The following DPY19L3 variants were observed in gnomAD, a reference collection of about 807,000 sequenced individuals.
DPY19L3 encodes protein C-mannosyl-transferase DPY19L3.
A neutral mutation model predicts 92.3 loss-of-function variants in DPY19L3; 51 were observed. That is an observed-to-expected ratio of 0.55 (90% CI 0.44 to 0.70). DPY19L3 has a LOEUF of 0.70. Ranked by LOEUF, DPY19L3 falls within the 30% of genes least tolerant of loss-of-function variation. DPY19L3 has a pLI of 0.00. For missense variants in DPY19L3, 706 were observed against 855.9 expected, an observed-to-expected ratio of 0.82 and a Z score of 2.18; for synonymous variants, 309 against 315.2, an observed-to-expected ratio of 0.98 and a Z score of 0.21.
intron 10 of DPY19L3, among the ~76,000 whole-genome samples, chr19:32,456,079 CTTTTTTTTT>C (rs899726982): frequency 9.7e-6 from 1 of 103,402 alleles, no homozygotes; most frequent in South Asian, 3.4e-4. Flanking sequence ...TCACTATGTT[CTTTTTTTTT>C]TTTTTTTTTT....
intron 17 of DPY19L3, 122 bp downstream of exon 17, chr19:32,477,776 A>C: frequency 3.7e-6 from 5 of 1,358,880 alleles, no homozygotes; most frequent in Non-Finnish European, 5.0e-6. Context: ...AGGATGAATT[A>C]GTCTGTTTTC....
chr19:32,482,039 T>C (rs1970687604), intron 18 of DPY19L3, 40 bp from the exon 19 acceptor site: 5 of 1,597,136 alleles, frequency 3.1e-6, no homozygotes, highest in Non-Finnish European at 4.3e-6. Flanking sequence ...GTAAATAGAA[T>C]TTTCCCCCCA....
intron 2 of DPY19L3, among the ~76,000 whole-genome samples, chr19:32,409,045 C>G (rs1292844744): frequency 6.6e-6 from 1 of 152,196 alleles, no homozygotes; most frequent in African/African-American, 2.4e-5. Flanking sequence ...TCTTACCAGC[C>G]AGGCTAGTAA....
Position 32,463,759 on chromosome 19 carries a change from TAAGTAAG to T in DPY19L3, c.1446-108_1446-102del, listed in dbSNP as rs1467160812. The stretch of plus-strand genomic sequence containing the variant: ...TCGGCAAATGGCATCTGCATAGTTT[TAAGTAAG>T]ATTTTGCCGTCATAGACTGTAAAGC... On this transcript the variant is annotated intron_variant, in intron 13 of 18. Transcript: ENST00000392250. 8.0e-6 allele frequency: 8 copies of T among 998,388 alleles called. No homozygotes were observed. The African/African-American group carries it at 1.1e-4, about 14-fold the overall frequency. 61.8% of individuals were successfully genotyped at this position (998,388 alleles called of 1,614,324 possible). A position where few individuals can be genotyped will look rare whatever the true frequency, so the allele number is the denominator to read the frequency against.
chr19:32,460,400 G>C (rs890475816), intron 12 of DPY19L3, among the ~76,000 whole-genome samples: 2 of 152,172 alleles, frequency 1.3e-5, no homozygotes, highest in Non-Finnish European at 2.9e-5. Flanking sequence ...AACAGAGTGA[G>C]ACCCTATCTC....
chr19:32,435,150 CTG>C lies in DPY19L3; in HGVS notation c.329-1293_329-1292del, dbSNP rs201922788. Among the ~76,000 whole-genome samples the C allele has an allele frequency of 7.8e-3, 1,193 of 152,290 alleles. 14 individuals carry two copies. The highest frequency in any genetic ancestry group is 0.027 in the African/African-American group (1,106 of 41,558). On this transcript the variant is annotated intron_variant, in intron 4 of 18. Coordinates refer to ENST00000392250, the MANE Select transcript of DPY19L3 (RefSeq NM_001172774.2). ...CTGTGTCCTCACATAGCCTTTCCCT[CTG>C]TGCAAATGCAGAGAGAGCACAAGGG...
At chr19:32,407,275 C>CA (rs61291585) in intron 1 of DPY19L3, among the ~76,000 whole-genome samples, 2 of 140,086 alleles carry the variant, frequency 1.4e-5, no homozygotes, top group African/African-American at 5.4e-5. Flanking sequence ...CCCCCCCACC[C>CA]ATTACTCCCA....
chr19:32,458,079 T>G, intron 10 of DPY19L3, 21 bp from the exon 11 acceptor site: 2 of 1,592,952 alleles, frequency 1.3e-6, no homozygotes, highest in Non-Finnish European at 1.7e-6. Flanking sequence ...TAGCAATTTT[T>G]GTTTTCTCTT....
chr19:32,453,386 A>G (rs1047663202), intron 9 of DPY19L3, 110 bp downstream of exon 9: 1 of 1,154,480 alleles, frequency 8.7e-7, no homozygotes. Flanking sequence ...CCTGATTTGC[A>G]CTAAAAAGAG....
chr19:32,452,987 G>A (rs1421483254), intron 8 of DPY19L3, among the ~76,000 whole-genome samples, 158 bp from the exon 9 acceptor site: 6 of 151,772 alleles, frequency 4.0e-5, no homozygotes, highest in Non-Finnish European at 7.4e-5. Context: ...GATTACAGAT[G>A]TGAGCCACCG....
At chr19:32,475,882 T>G (rs1389757418) in intron 16 of DPY19L3, among the ~76,000 whole-genome samples, 1 of 152,164 alleles carries the variant, frequency 6.6e-6, no homozygotes, top group Non-Finnish European at 1.5e-5. Context: ...CATGTGAAAC[T>G]TTTTTCCTGC....
rs930555184 is a variant in DPY19L3 at position 32,466,521 on chromosome 19, T to C, written c.1614+1737T>C. ...GGCAGCTTCAGCCTCTGCCCGCTCA[T>C]TGAAGCACGTCTCCCCTGGCTACAA... On this transcript the variant is annotated intron_variant, in intron 15 of 18. Transcript: ENST00000392250. Among the ~76,000 whole-genome samples the C allele has an allele frequency of 4.6e-5, 7 of 151,572 alleles. No individual in the cohort carries two copies. The East Asian group carries it at 1.2e-3, about 25-fold the overall frequency.
intron 12 of DPY19L3, among the ~76,000 whole-genome samples, chr19:32,462,890 AT>A (rs1271122634): frequency 6.6e-6 from 1 of 152,182 alleles, no homozygotes; most frequent in Non-Finnish European, 1.5e-5. Flanking sequence ...GGTAAAAGTC[AT>A]CTTTTGGATA....
At chr19:32,460,754 G>A (rs989889897) in intron 12 of DPY19L3, among the ~76,000 whole-genome samples, 1 of 152,188 alleles carries the variant, frequency 6.6e-6, no homozygotes, top group Non-Finnish European at 1.5e-5. Flanking sequence ...CTGTCTAAAT[G>A]TGAATTAACT....
intron 3 of DPY19L3, among the ~76,000 whole-genome samples, chr19:32,415,079 G>C (rs985618732): frequency 1.3e-5 from 2 of 152,218 alleles, no homozygotes; most frequent in African/African-American, 4.8e-5. Context: ...TATGCCAGCA[G>C]GCACTGTGCT....
chr19:32,443,458 A>G (rs1181153226), intron 8 of DPY19L3, among the ~76,000 whole-genome samples: 1 of 152,188 alleles, frequency 6.6e-6, no homozygotes, highest in African/African-American at 2.4e-5. Flanking sequence ...GTGCCATTAT[A>G]AAACAGGCAC....
At chr19:32,436,210 G>A (rs921285575) in intron 4 of DPY19L3, among the ~76,000 whole-genome samples, 8 of 152,164 alleles carry the variant, frequency 5.3e-5, no homozygotes, top group Non-Finnish European at 8.8e-5. Context: ...GGTGGTGGTG[G>A]TTTCATTCCA....
chr19:32,409,856 A>G (rs1240734461), intron 2 of DPY19L3, among the ~76,000 whole-genome samples: 1 of 152,074 alleles, frequency 6.6e-6, no homozygotes, highest in Non-Finnish European at 1.5e-5. Flanking sequence ...CCATCACCAC[A>G]CCACCTCCCA....
chr19:32,438,737 T>TA (rs1347975180), intron 6 of DPY19L3, among the ~76,000 whole-genome samples: 2 of 152,076 alleles, frequency 1.3e-5, no homozygotes, highest in Non-Finnish European at 2.9e-5. Flanking sequence ...GACTCAAGTA[T>TA]AAAAAACACC....
Sources: allele counts gnomAD v4.1 joint callset (sites outside exome capture counted in the v4.1 genomes callset), GRCh38; gene constraint gnomAD v4.1.1; transcripts MANE v1.5; gene names NCBI Gene and HGNC (gene_info 2026-07-23, HGNC 2026-07-21).